The following PDZRN4 variants were observed in gnomAD, a reference collection of about 807,000 sequenced individuals.
The protein encoded by PDZRN4 is PDZ domain-containing RING finger protein 4.
A neutral mutation model predicts 99.0 loss-of-function variants in PDZRN4; 70 were observed. The observed-to-expected ratio is 0.71, with a 90% CI of 0.58 to 0.86. The LOEUF (loss-of-function observed/expected upper bound fraction) is 0.86. Among genes scored for constraint, PDZRN4 ranks in the 40% least tolerant of loss-of-function variants. The probability of loss-of-function intolerance (pLI) is 0.00; values close to 1 mark genes in which losing one functional copy is unlikely to be tolerated. For missense variants in PDZRN4, 1,474 were observed against 1,331.2 expected (o/e 1.11, Z -1.67); for synonymous variants, 551 against 501.6 (o/e 1.10, Z -1.32).
chr12:41,255,110 G>A (rs59875860), intron 3 of PDZRN4, among the ~76,000 whole-genome samples: 1 of 152,210 alleles, frequency 6.6e-6, no homozygotes, highest in East Asian at 1.9e-4. Flanking sequence ...CCTGGGTGTG[G>A]AAAGGGGACT....
At chr12:41,223,615 A>G (rs1319630872) in intron 3 of PDZRN4, among the ~76,000 whole-genome samples, 2 of 152,220 alleles carry the variant, frequency 1.3e-5, no homozygotes, top group Non-Finnish European at 1.5e-5. Context: ...AGATAATAAT[A>G]TTGATGCTGG....
intron 3 of PDZRN4, among the ~76,000 whole-genome samples, chr12:41,209,573 A>G (rs1357352829): frequency 7.1e-6 from 1 of 141,030 alleles, no homozygotes; most frequent in Admixed American, 7.6e-5. Flanking sequence ...TTCAATTCCC[A>G]CCTATGAGTG....
intron 3 of PDZRN4, among the ~76,000 whole-genome samples, chr12:41,301,614 T>C (rs78194230): frequency 0.04 from 6,103 of 152,140 alleles, 412 homozygotes; most frequent in African/African-American, 0.14. Context: ...TCATACTACA[T>C]ATTATAACCC....
At chr12:41,515,525 C>T (rs1458177) in intron 5 of PDZRN4, among the ~76,000 whole-genome samples, 1 of 151,900 alleles carries the variant, frequency 6.6e-6, no homozygotes, top group Non-Finnish European at 1.5e-5. Context: ...TTTTTATTAC[C>T]TGAGCATTAA....
chr12:41,285,141 A>G (rs199647269), intron 3 of PDZRN4, among the ~76,000 whole-genome samples: 2 of 151,886 alleles, frequency 1.3e-5, no homozygotes, highest in Non-Finnish European at 2.9e-5. Context: ...ATCTACAAAG[A>G]ACTTAAACAA....
At chr12:41,257,716 A>G (rs1441560526) in intron 3 of PDZRN4, among the ~76,000 whole-genome samples, 1 of 152,146 alleles carries the variant, frequency 6.6e-6, no homozygotes, top group Non-Finnish European at 1.5e-5. Context: ...GGGTCTTTCA[A>G]TTGTGTTTAT....
intron 3 of PDZRN4, among the ~76,000 whole-genome samples, chr12:41,226,735 C>G (rs1406501532): frequency 6.6e-6 from 1 of 152,114 alleles, no homozygotes; most frequent in African/African-American, 2.4e-5. Flanking sequence ...ACGTATTGCA[C>G]CTGCCATGCA....
intron 3 of PDZRN4, among the ~76,000 whole-genome samples, chr12:41,420,143 C>T (rs1952477166): frequency 2.0e-5 from 3 of 152,110 alleles, no homozygotes; most frequent in African/African-American, 4.8e-5. Flanking sequence ...AATCTCTGTT[C>T]TTCTCACACT....
chr12:41,469,405 A>G (rs1467936081), intron 3 of PDZRN4, among the ~76,000 whole-genome samples: 1 of 152,200 alleles, frequency 6.6e-6, no homozygotes, highest in African/African-American at 2.4e-5. Context: ...GTATACAATT[A>G]TTTTCTAAAT....
chr12:41,227,343 A>C (rs1318590643), intron 3 of PDZRN4, among the ~76,000 whole-genome samples: 1 of 152,102 alleles, frequency 6.6e-6, no homozygotes, highest in Non-Finnish European at 1.5e-5. Context: ...GCCAATATAG[A>C]ATTTGCAAAT....
At chr12:41,381,150 T>G (rs1040186956) in intron 3 of PDZRN4, among the ~76,000 whole-genome samples, 2 of 152,218 alleles carry the variant, frequency 1.3e-5, no homozygotes, top group Non-Finnish European at 2.9e-5. Flanking sequence ...GTTCTCTCTT[T>G]GTCTTTCACT....
chr12:41,335,184 C>G (rs1004788910), intron 3 of PDZRN4, among the ~76,000 whole-genome samples: 1 of 151,570 alleles, frequency 6.6e-6, no homozygotes, highest in Non-Finnish European at 1.5e-5. Flanking sequence ...AGAATATTGA[C>G]AAAGTGTTTG....
At chr12:41,543,248 C>T (rs1206682159) in intron 5 of PDZRN4, among the ~76,000 whole-genome samples, 1 of 152,092 alleles carries the variant, frequency 6.6e-6, no homozygotes, top group African/African-American at 2.4e-5. Flanking sequence ...CTTAAGCCTC[C>T]GTCTATAGAC....
intron 3 of PDZRN4, among the ~76,000 whole-genome samples, chr12:41,217,785 A>G (rs981491064): frequency 6.6e-6 from 1 of 152,042 alleles, no homozygotes; most frequent in Non-Finnish European, 1.5e-5. Context: ...GCTGCCAACA[A>G]GATAGACAAG....
At chr12:41,194,700 T>A (rs116775259) in intron 3 of PDZRN4, among the ~76,000 whole-genome samples, 1 of 152,214 alleles carries the variant, frequency 6.6e-6, no homozygotes, top group Non-Finnish European at 1.5e-5. Flanking sequence ...GATATTGTGA[T>A]GAAAGAATAA....
intron 3 of PDZRN4, among the ~76,000 whole-genome samples, chr12:41,328,105 C>A (rs916000484): frequency 6.6e-6 from 1 of 152,000 alleles, no homozygotes; most frequent in Admixed American, 6.6e-5. Flanking sequence ...CAACTATTAA[C>A]TATGCACTAT....
At chr12:41,474,615 A>G (rs1464686263) in intron 3 of PDZRN4, among the ~76,000 whole-genome samples, 1 of 152,158 alleles carries the variant, frequency 6.6e-6, no homozygotes, top group Non-Finnish European at 1.5e-5. Context: ...GATCTCAGGG[A>G]CACTAAAGGT....
chr12:41,548,313 GT>G (rs2120787490), intron 5 of PDZRN4, among the ~76,000 whole-genome samples: 1 of 152,206 alleles, frequency 6.6e-6, no homozygotes, highest in East Asian at 1.9e-4. Flanking sequence ...GGGGATTAAA[GT>G]TTTAATATTT....
At chr12:41,369,348 C>A (rs968268503) in intron 3 of PDZRN4, among the ~76,000 whole-genome samples, 1 of 151,996 alleles carries the variant, frequency 6.6e-6, no homozygotes, top group Non-Finnish European at 1.5e-5. Flanking sequence ...TTTCTTTATG[C>A]CTTGTAAGAA....
Sources: allele counts gnomAD v4.1 joint callset (sites outside exome capture counted in the v4.1 genomes callset), GRCh38; gene constraint gnomAD v4.1.1; transcripts MANE v1.5; gene names NCBI Gene and HGNC (gene_info 2026-07-23, HGNC 2026-07-21).